CYP2S1: variants seen among roughly 807,000 people sequenced by gnomAD.
CYP2S1 encodes cytochrome P450 2S1.
CYP2S1 carries 32 observed loss-of-function variants against 43.5 expected under a neutral mutation model. The observed-to-expected ratio is 0.74, with a 90% CI of 0.56 to 0.99. The LOEUF is 0.99. Ranked by LOEUF, CYP2S1 falls within the 50% of genes least tolerant of loss-of-function variation. CYP2S1 has a pLI of 0.00. For missense variants in CYP2S1, 575 were observed against 673.9 expected (o/e 0.85, Z 1.62); for synonymous variants, 283 against 302.9 (o/e 0.93, Z 0.68).
In CYP2S1 at chr19:41,203,474, G is replaced by A. The variant is rs781702795; in HGVS notation, c.1001G>A (p.Arg334Gln). 76 of 1,607,564 alleles carry A rather than the reference G, an allele frequency of 4.7e-5. No individual in the cohort carries two copies. Among genetic ancestry groups the A allele is most frequent in the East Asian group, 1.1e-4 (5 of 44,250 alleles). ...VQKWVREELN[R>Q]ELGAGQAPSL... ...GAGTGGGTACGTGAGGAGCTGAATC[G>A]GGAGCTGGGGGCTGGCCAGGCACCA... The change falls in exon 7 of 9, where the codon CGG (arginine) becomes CAG (glutamine). Residue 334 changes from arginine to glutamine, a missense_variant. Physicochemically the swap from Arg to Gln is conservative, Grantham distance 43. Transcript: ENST00000310054.
Position 41,206,263 on chromosome 19 carries a change from C to T in CYP2S1, c.1307-17C>T. 4 of 1,613,942 alleles carry T rather than the reference C, an allele frequency of 2.5e-6. No individual in the cohort carries two copies. The highest frequency in any genetic ancestry group is 2.5e-6 in the Non-Finnish European group (3 of 1,180,000). ...GGAATACTGACTCAGCCCTCTCTCT[C>T]TCTCTCTCCTCACCAGGGAAGCGTG... On this transcript the variant is annotated splice_polypyrimidine_tract_variant and intron_variant, in intron 8 of 8. Coordinates refer to ENST00000310054, the MANE Select transcript of CYP2S1 (RefSeq NM_030622.8).
chr19:41,198,019 G>A lies in CYP2S1; in HGVS notation c.493+91G>A. ...TGGGGGTGGCCCCAACCCAGGTCCTGGAATGGGCAGGAGGGGAAGCCTTGA... is the reference window on the plus strand; with the variant it reads ...TGGGGGTGGCCCCAACCCAGGTCCTAGAATGGGCAGGAGGGGAAGCCTTGA... On this transcript the variant is annotated intron_variant, in intron 3 of 8. Coordinates refer to ENST00000310054, the MANE Select transcript of CYP2S1 (RefSeq NM_030622.8). This position sits in a 1 kb window ranked among gnomAD's most constrained non-coding sequence, Gnocchi z 4.9. The A allele has an allele frequency of 6.8e-7, 1 of 1,470,768 alleles. No homozygotes were observed. The highest frequency in any genetic ancestry group is 9.0e-7 in the Non-Finnish European group (1 of 1,110,382). 91.1% of individuals were successfully genotyped at this position (1,470,768 alleles called of 1,614,324 possible).
chr19:41,196,272 C>G (rs2033411900), intron 2 of CYP2S1, among the ~76,000 whole-genome samples: 1 of 152,064 alleles, frequency 6.6e-6, no homozygotes, highest in Non-Finnish European at 1.5e-5. Context: ...TGAGAGAAGA[C>G]CAGCGCAGTC....
Position 41,193,352 on chromosome 19 carries a change from G to A in CYP2S1, c.88G>A (p.Gly30Ser). 1 of 1,536,502 alleles carries A rather than the reference G, an allele frequency of 6.5e-7. No individual in the cohort carries two copies. The highest frequency in any genetic ancestry group is 8.8e-7 in the Non-Finnish European group (1 of 1,140,910). The change falls in exon 1 of 9, where the codon GGC (glycine) becomes AGC (serine). Residue 30 changes from glycine to serine, a missense_variant. This residue lies in a region of CYP2S1 where 353 missense variants were observed against 367.6 expected (regional missense o/e 0.96). Coordinates refer to ENST00000310054, the MANE Select transcript of CYP2S1 (RefSeq NM_030622.8). ...GGCGCTGTCCGGGACCAGGGCCCGAGGCCACCTGCCCCCCGGGCCCACGCC... is the reference window on the plus strand; with the variant it reads ...GGCGCTGTCCGGGACCAGGGCCCGAAGCCACCTGCCCCCCGGGCCCACGCC... ...TLALSGTRAR[G>S]HLPPGPTPLP...
chr19:41,195,910 A>G (rs771333371), intron 2 of CYP2S1, among the ~76,000 whole-genome samples: 1 of 152,006 alleles, frequency 6.6e-6, no homozygotes, highest in African/African-American at 2.4e-5. Flanking sequence ...ACAAAAAATC[A>G]TTATACCTGG....
rs538823592 is a variant in CYP2S1, at chr19:41,206,983, C to T, written c.*495C>T. On this transcript the variant is annotated 3_prime_UTR_variant, in exon 9 of 9. Transcript: ENST00000310054. ...ACCCAGAGACTGTCGCTGTCTATGG[C>T]CCCAACTCATGCTCCCTCTCTTGGC... 1.4e-5 allele frequency: 5 copies of T among 362,852 alleles called. No homozygotes were observed. Among genetic ancestry groups the T allele is most frequent in the East Asian group, 7.3e-5 (1 of 13,648 alleles). The allele number at this position is 362,852 out of a possible 1,614,324, so 22.5% of individuals were successfully genotyped here.
intron 5 of CYP2S1, among the ~76,000 whole-genome samples, chr19:41,199,379 TTTTTTCTTTTC>T (rs1439863731): frequency 6.6e-6 from 1 of 152,124 alleles, no homozygotes; most frequent in Non-Finnish European, 1.5e-5. Flanking sequence ...TTTTCCTTTT[TTTTTTCTTTTC>T]TTTTTAAAGA....
chr19:41,205,636 G>A (rs1400030409), intron 7 of CYP2S1, among the ~76,000 whole-genome samples: 4 of 151,602 alleles, frequency 2.6e-5, no homozygotes, highest in Admixed American at 1.3e-4. Context: ...ATCCTCCCAC[G>A]TCAGCCTCCT....
At chr19:41,196,969 G>A (rs1200392166) in intron 2 of CYP2S1, among the ~76,000 whole-genome samples, 5 of 152,134 alleles carry the variant, frequency 3.3e-5, no homozygotes, top group Admixed American at 6.6e-5. Flanking sequence ...GCTGAGGTGG[G>A]TGGATTACCT....
intron 5 of CYP2S1, among the ~76,000 whole-genome samples, chr19:41,199,582 C>T (rs1190290209): frequency 1.3e-5 from 2 of 151,834 alleles, no homozygotes; most frequent in African/African-American, 4.8e-5. Flanking sequence ...TAGACTCTCA[C>T]TATGTTACCC....
intron 8 of CYP2S1, 68 bp downstream of exon 8, chr19:41,206,167 GGCACCCTTCT>G: frequency 6.2e-7 from 1 of 1,607,632 alleles, no homozygotes; most frequent in Non-Finnish European, 8.5e-7. Flanking sequence ...GCCAGCTGGG[GGCACCCTTCT>G]GCACCCTGGG....
intron 7 of CYP2S1, among the ~76,000 whole-genome samples, chr19:41,205,350 CTTTCTTTCTTTCTTTCTTTCTT>C (rs1568402462): frequency 4.9e-4 from 51 of 105,054 alleles, no homozygotes; most frequent in African/African-American, 3.4e-3. Context: ...TTTTTTCTTT[CTTTCTTTCTTTCTTTCTTTCTT>C]TCTTTCTTTC....
At chr19:41,204,366 C>G (rs922383333) in intron 7 of CYP2S1, among the ~76,000 whole-genome samples, 3 of 151,656 alleles carry the variant, frequency 2.0e-5, no homozygotes, top group African/African-American at 7.3e-5. Flanking sequence ...GCCCTCTTGA[C>G]CCTTAGCCCC....
intron 5 of CYP2S1, among the ~76,000 whole-genome samples, chr19:41,199,405 G>A (rs766564232): frequency 7.3e-5 from 11 of 151,528 alleles, no homozygotes; most frequent in Non-Finnish European, 1.3e-4. Context: ...TAAAGAGACA[G>A]GATCTCTTTC....
Position 41,198,669 on chromosome 19 carries a change from GCCAAGGTC to G in CYP2S1, c.655-36_655-29del. 1 of 1,613,518 alleles carries G rather than the reference GCCAAGGTC, an allele frequency of 6.2e-7. No individual in the cohort carries two copies. Among genetic ancestry groups the G allele is most frequent in the Non-Finnish European group, 8.5e-7 (1 of 1,179,718 alleles). On this transcript the variant is annotated intron_variant, in intron 4 of 8. Transcript: ENST00000310054. This position sits in a 1 kb window ranked among gnomAD's most constrained non-coding sequence, Gnocchi z 4.9. ...CCAACTACCTTCCCTGAAGGTTCCT[GCCAAGGTC>G]CCATGAGAACTAGCTGCCCTTCTCC...
At chr19:41,194,443 AAGC>A in intron 1 of CYP2S1, 98 bp from the exon 2 acceptor site, 1 of 1,419,140 alleles carries the variant, frequency 7.0e-7, no homozygotes, top group Non-Finnish European at 9.3e-7. Context: ...GAGGGCGTAG[AAGC>A]TAGACCCGGT....
At chr19:41,193,504 G>A (rs2033369278) in intron 1 of CYP2S1, 63 bp downstream of exon 1, 1 of 1,389,256 alleles carries the variant, frequency 7.2e-7, no homozygotes, top group Non-Finnish European at 9.4e-7. Context: ...AAACCCGAGT[G>A]CCAGGGTGAG....
At chr19:41,193,472 G>A (rs1286949496) in intron 1 of CYP2S1, 31 bp downstream of exon 1, 1 of 1,407,308 alleles carries the variant, frequency 7.1e-7, no homozygotes. Flanking sequence ...CCTGGCTAGG[G>A]GTGGGAGGAT....
chr19:41,194,664 G>C lies in CYP2S1; in HGVS notation c.298G>C (p.Gly100Arg). 3 of 1,612,472 alleles carry C rather than the reference G, an allele frequency of 1.9e-6. No homozygotes were observed. The highest frequency in any genetic ancestry group is 2.5e-6 in the Non-Finnish European group (3 of 1,179,332). The part of the protein sequence containing the change: ...ALGGQAEEFS[G>R]RGTVAMLEGT... Reference sequence around the variant, plus strand: ...GGGAGGTCAGGCTGAGGAGTTCAGCGGCCGGGGAACCGTAGCGATGCTGGA... The same window carrying C: ...GGGAGGTCAGGCTGAGGAGTTCAGCCGCCGGGGAACCGTAGCGATGCTGGA... The change falls in exon 2 of 9, where the codon GGC becomes CGC. Residue 100 changes from glycine (G) to arginine (R), a missense_variant. Gly to Arg is a moderately radical substitution (Grantham distance 125). Around this residue, in one of 2 missense-constraint regions of CYP2S1, gnomAD observed 353 missense variants for 367.6 expected, o/e 0.96. Coordinates refer to ENST00000310054, the MANE Select transcript of CYP2S1 (RefSeq NM_030622.8).
Sources: allele counts gnomAD v4.1 joint callset (sites outside exome capture counted in the v4.1 genomes callset), GRCh38; gene constraint gnomAD v4.1.1; regional missense constraint gnomAD v4.1.1; non-coding constraint Gnocchi (gnomAD v3.1); transcripts MANE v1.5; gene names NCBI Gene and HGNC (gene_info 2026-07-23, HGNC 2026-07-21).